ANKS1B: variants seen among roughly 807,000 people sequenced by gnomAD.
The protein encoded by ANKS1B is ankyrin repeat and sterile alpha motif domain-containing protein 1B.
Under a neutral mutation model 148.3 loss-of-function variants are expected in ANKS1B, and 36 were observed. That is an observed-to-expected ratio of 0.24 (90% CI 0.19 to 0.32). The LOEUF is 0.32. Among genes scored for constraint, ANKS1B ranks in the 10% least tolerant of loss-of-function variants. The pLI is 1.00. For synonymous variants in ANKS1B, 542 were observed against 560.8 expected, an observed-to-expected ratio of 0.97 and a Z score of 0.47; for missense variants, 1,157 against 1,542.6, an observed-to-expected ratio of 0.75 and a Z score of 4.19.
At chr12:99,529,923 A>T (rs891860953) in intron 9 of ANKS1B, among the ~76,000 whole-genome samples, 1 of 152,220 alleles carries the variant, frequency 6.6e-6, no homozygotes, top group Non-Finnish European at 1.5e-5. Context: ...TATTAGGATT[A>T]ATTTAGGAAT....
intron 12 of ANKS1B, chr12:99,341,202 A>G (rs949363697): frequency 1.3e-5 from 2 of 152,102 alleles, no homozygotes; most frequent in Non-Finnish European, 2.9e-5. Context: ...CTATTTGTGG[A>G]TTACTCTTCT....
chr12:99,384,196 A>C (rs1354912648), intron 12 of ANKS1B, among the ~76,000 whole-genome samples: 3 of 152,254 alleles, frequency 2.0e-5, no homozygotes, highest in African/African-American at 7.2e-5. Flanking sequence ...AAATAATTAC[A>C]TGAATAAAAA....
intron 1 of ANKS1B, among the ~76,000 whole-genome samples, chr12:99,943,033 G>A (rs1050632346): frequency 1.3e-5 from 2 of 152,130 alleles, no homozygotes; most frequent in Non-Finnish European, 2.9e-5. Flanking sequence ...AATCCTGATC[G>A]ACAAAATGTG....
intron 12 of ANKS1B, among the ~76,000 whole-genome samples, chr12:99,327,927 A>T (rs565293748): frequency 2.9e-4 from 44 of 151,838 alleles, no homozygotes; most frequent in Non-Finnish European, 5.9e-4. Flanking sequence ...GGGATTATTT[A>T]TATGATCCTA....
chr12:99,412,216 A>T (rs1464314537), intron 11 of ANKS1B, among the ~76,000 whole-genome samples: 2 of 152,072 alleles, frequency 1.3e-5, no homozygotes, highest in Non-Finnish European at 2.9e-5. Context: ...TACTTTGTTC[A>T]TTAAGCCTGG....
chr12:99,476,136 T>C (rs949567384), intron 10 of ANKS1B, among the ~76,000 whole-genome samples: 2 of 152,234 alleles, frequency 1.3e-5, no homozygotes, highest in African/African-American at 4.8e-5. Context: ...TTCACGCCTG[T>C]AATCCCAGCA....
intron 9 of ANKS1B, chr12:99,649,170 GGTGGCAACACAACATGTTT>G: frequency 1.3e-6 from 1 of 799,016 alleles, no homozygotes; most frequent in East Asian, 2.4e-5. Flanking sequence ...TATATACATT[GGTGGCAACACAACATGTTT>G]GTGTACTTGT....
At chr12:99,617,740 G>C (rs1043514445) in intron 9 of ANKS1B, among the ~76,000 whole-genome samples, 16 of 151,786 alleles carry the variant, frequency 1.1e-4, no homozygotes, top group Admixed American at 8.5e-4. Flanking sequence ...AACCACCATG[G>C]CACATGTCTA....
chr12:99,636,081 C>A (rs1431881468), intron 9 of ANKS1B, among the ~76,000 whole-genome samples: 1 of 151,692 alleles, frequency 6.6e-6, no homozygotes. Flanking sequence ...AGATAAATAC[C>A]AAGAAACAGG....
At chr12:99,944,335 T>C (rs542346969) in intron 1 of ANKS1B, among the ~76,000 whole-genome samples, 2 of 152,272 alleles carry the variant, frequency 1.3e-5, no homozygotes, top group Admixed American at 6.5e-5. Flanking sequence ...CTGACTTCTC[T>C]TCCTTTGAAA....
chr12:99,832,544 C>CA (rs748268104), intron 1 of ANKS1B, among the ~76,000 whole-genome samples: 4 of 150,134 alleles, frequency 2.7e-5, no homozygotes, highest in Admixed American at 1.3e-4. Context: ...GCCAACATGG[C>CA]AAAAAAAACA....
intron 25 of ANKS1B, among the ~76,000 whole-genome samples, chr12:98,764,550 T>C (rs2098455797): frequency 6.6e-6 from 1 of 152,242 alleles, no homozygotes; most frequent in Non-Finnish European, 1.5e-5. Context: ...TGTGAGGCAT[T>C]GGACATGGGT....
intron 9 of ANKS1B, among the ~76,000 whole-genome samples, chr12:99,564,385 GA>G (rs145950651): frequency 1.5e-4 from 22 of 148,908 alleles, no homozygotes; most frequent in East Asian, 2.0e-4. Context: ...ATTGCTCAGT[GA>G]AAAAAAAATT....
At chr12:99,677,725 G>A (rs1243023584) in intron 8 of ANKS1B, among the ~76,000 whole-genome samples, 1 of 152,196 alleles carries the variant, frequency 6.6e-6, no homozygotes, top group Non-Finnish European at 1.5e-5. Flanking sequence ...TGTAATCCCA[G>A]CACTTTGGGA....
intron 15 of ANKS1B, among the ~76,000 whole-genome samples, chr12:99,105,781 A>C (rs1174847485): frequency 1.3e-5 from 2 of 151,914 alleles, no homozygotes; most frequent in South Asian, 4.2e-4. Flanking sequence ...AAAAAAAAAA[A>C]AAAAAAAACT....
chr12:99,715,291 G>A (rs1203487350), intron 8 of ANKS1B, among the ~76,000 whole-genome samples: 1 of 152,036 alleles, frequency 6.6e-6, no homozygotes, highest in Non-Finnish European at 1.5e-5. Flanking sequence ...TAAAAGAAGT[G>A]AAAATGGCCT....
At chr12:99,811,089 A>G (rs1420831155) in intron 3 of ANKS1B, among the ~76,000 whole-genome samples, 1 of 152,006 alleles carries the variant, frequency 6.6e-6, no homozygotes, top group Non-Finnish European at 1.5e-5. Context: ...AAATATTAAT[A>G]AGATACTTTT....
chr12:99,937,078 C>T (rs937881624), intron 1 of ANKS1B, among the ~76,000 whole-genome samples: 2 of 152,130 alleles, frequency 1.3e-5, no homozygotes, highest in Admixed American at 6.5e-5. Flanking sequence ...GTTATCAATA[C>T]GCACATCTGG....
At chr12:99,356,916 T>C (rs1347170758) in intron 12 of ANKS1B, among the ~76,000 whole-genome samples, 1 of 147,856 alleles carries the variant, frequency 6.8e-6, no homozygotes, top group Non-Finnish European at 1.5e-5. Flanking sequence ...TGCTAGTATT[T>C]TGGTCCATAT....
Sources: gnomAD v4.1 joint callset for allele counts (sites outside exome capture counted in the v4.1 genomes callset) on GRCh38, gnomAD v4.1.1 for gene constraint, MANE v1.5 for transcripts, NCBI Gene and HGNC (gene_info 2026-07-23, HGNC 2026-07-21) for gene names.